SMYD4: variants seen among roughly 807,000 people sequenced by gnomAD.
SMYD4 encodes SET and MYND domain containing 4, also known as protein-lysine N-methyltransferase SMYD4.
A neutral mutation model predicts 72.8 loss-of-function variants in SMYD4; 68 were observed. The ratio of observed to expected loss-of-function variants is 0.93; its 90% confidence interval spans 0.77 to 1.14. The LOEUF (loss-of-function observed/expected upper bound fraction) is 1.14, where lower values mean the gene tolerates loss of function less well. Among genes scored for constraint, SMYD4 ranks in the 50% most tolerant of loss-of-function variants. The pLI is 0.00. For missense variants in SMYD4, 984 were observed against 1,003.7 expected, an observed-to-expected ratio of 0.98 and a Z score of 0.27; for synonymous variants, 407 against 388.6, an observed-to-expected ratio of 1.05 and a Z score of -0.56.
chr17:1,817,345 G>GT (rs977465914), intron 2 of SMYD4, among the ~76,000 whole-genome samples: 49 of 147,326 alleles, frequency 3.3e-4, no homozygotes, highest in Admixed American at 1.5e-3. Context: ...GCCTAAAACT[G>GT]TTTTTTTTTG....
At chr17:1,794,007 G>GTA (rs373859746) in intron 5 of SMYD4, among the ~76,000 whole-genome samples, 33,834 of 80,872 alleles carry the variant, frequency 0.42, 8,719 homozygotes, top group Non-Finnish European at 0.57. Context: ...ATATATATAT[G>GTA]TATATATATA....
intron 10 of SMYD4, 30 bp from the exon 11 acceptor site, chr17:1,781,469 TC>T: frequency 6.2e-7 from 1 of 1,606,460 alleles, no homozygotes; most frequent in East Asian, 2.2e-5. Context: ...AGGAGTTAGT[TC>T]ACTGATTTGT....
At chr17:1,802,505 T>C (rs889426361) in intron 4 of SMYD4, among the ~76,000 whole-genome samples, 3 of 151,680 alleles carry the variant, frequency 2.0e-5, no homozygotes. Flanking sequence ...TAAAAAAAAA[T>C]AAAGAAAAAG....
At chr17:1,802,880 G>A (rs1282071640) in intron 4 of SMYD4, among the ~76,000 whole-genome samples, 6 of 152,098 alleles carry the variant, frequency 3.9e-5, no homozygotes, top group South Asian at 2.1e-4. Flanking sequence ...ACGGCTGGGC[G>A]CAGTGGCTCA....
At chr17:1,811,303 G>GT (rs1467640127) in intron 3 of SMYD4, among the ~76,000 whole-genome samples, 4 of 152,194 alleles carry the variant, frequency 2.6e-5, no homozygotes, top group Middle Eastern at 3.4e-3. Context: ...AACTTTTTCC[G>GT]TTTCAGGACC....
chr17:1,815,126 C>A (rs190048170), intron 2 of SMYD4, among the ~76,000 whole-genome samples: 1 of 150,906 alleles, frequency 6.6e-6, no homozygotes, highest in Non-Finnish European at 1.5e-5. Context: ...TGCAGTGGTG[C>A]GATCTCGGCT....
intron 2 of SMYD4, among the ~76,000 whole-genome samples, chr17:1,818,886 G>T (rs1910761872): frequency 6.6e-6 from 1 of 151,856 alleles, no homozygotes; most frequent in Admixed American, 6.6e-5. Flanking sequence ...GGGCTCAAGG[G>T]ACCCACCTGC....
rs1909620274 is a variant in SMYD4 at position 1,799,954 on chromosome 17, T to A, written c.1440A>T (p.Glu480Asp). 6.2e-7 allele frequency: 1 copy of A among 1,614,008 alleles called. No homozygotes were observed. Among genetic ancestry groups the A allele is most frequent in the African/African-American group, 1.3e-5 (1 of 74,918 alleles). The change falls in exon 5 of 11, where the codon GAA (glutamate) becomes GAT (aspartate). Residue 480 changes from glutamate to aspartate, a missense_variant. Physicochemically the swap from Glu to Asp is conservative, Grantham distance 45. Transcript: ENST00000305513. ...SSQLKAAVTPELCPDVTIWGV... is the reference protein window; with the variant it reads ...SSQLKAAVTPDLCPDVTIWGV... ...CCCAAATAGTCACGTCAGGACACAA[T>A]TCAGGTGTCACTGCTGCTTTAAGCT...
At chr17:1,823,048 A>C (rs777079349) in intron 2 of SMYD4, among the ~76,000 whole-genome samples, 8 of 152,030 alleles carry the variant, frequency 5.3e-5, no homozygotes, top group Non-Finnish European at 1.0e-4. Context: ...CACATTCCCA[A>C]TCAAAAGCCC....
At chr17:1,822,367 T>C (rs1333125988) in intron 2 of SMYD4, among the ~76,000 whole-genome samples, 1 of 152,174 alleles carries the variant, frequency 6.6e-6, no homozygotes, top group Admixed American at 6.5e-5. Flanking sequence ...TGAAGCACTA[T>C]TTGATTTCTT....
rs1304147104 is a variant in SMYD4, at chr17:1,781,341, T to A, written c.2360A>T (p.Lys787Met). 6.2e-7 allele frequency: 1 copy of A among 1,614,062 alleles called. No homozygotes were observed. Among genetic ancestry groups the A allele is most frequent in the Non-Finnish European group, 8.5e-7 (1 of 1,180,032 alleles). Reference sequence around the variant, plus strand: ...TAAGTCCAACAAACAGGATTTCATCTTCTGGAGCTCCTGGATTTCATCGTC... The same window carrying A: ...TAAGTCCAACAAACAGGATTTCATCATCTGGAGCTCCTGGATTTCATCGTC... ...PWDDEIQELQKMKSCLLDLPP... is the reference protein window; with the variant it reads ...PWDDEIQELQMMKSCLLDLPP... Residue 787 changes from lysine to methionine, a missense_variant, in exon 11 of 11, where the codon AAG becomes ATG. Transcript: ENST00000305513.
Position 1,812,049 on chromosome 17 carries a change from A to G in SMYD4, c.201T>C (p.Ala67=), listed in dbSNP as rs377388862. 4.3e-6 allele frequency: 7 copies of G among 1,613,974 alleles called. No individual in the cohort carries two copies. Among genetic ancestry groups the G allele is most frequent in the African/African-American group, 1.3e-5 (1 of 74,876 alleles). ...TTCCTTCTTCTCTGTAGAAAAGAGGAGCGTCCGAGTCCTTTCCCACCAAGT... is the reference window on the plus strand; with the variant it reads ...TTCCTTCTTCTCTGTAGAAAAGAGGGGCGTCCGAGTCCTTTCCCACCAAGT... ...KGYLVGKDSD[A]PLFYREEGNK... Residue 67 remains alanine, a synonymous_variant, in exon 3 of 11, where the codon GCT becomes GCC. Coordinates refer to ENST00000305513, the MANE Select transcript of SMYD4 (RefSeq NM_052928.3).
At chr17:1,798,913 A>C (rs1909550017) in intron 5 of SMYD4, among the ~76,000 whole-genome samples, 1 of 151,754 alleles carries the variant, frequency 6.6e-6, no homozygotes, top group Admixed American at 6.6e-5. Context: ...AAAATAAATA[A>C]ATAAAGTAAA....
chr17:1,787,286 G>A (rs971555013), intron 6 of SMYD4, 136 bp downstream of exon 6: 2 of 1,146,008 alleles, frequency 1.7e-6, no homozygotes, highest in East Asian at 2.6e-5. Flanking sequence ...CCTTGTTTTT[G>A]GCCTAAGTGT....
intron 10 of SMYD4, chr17:1,781,929 T>C: frequency 6.5e-6 from 1 of 154,338 alleles, no homozygotes; most frequent in Non-Finnish European, 1.4e-5. Context: ...TCTGCAGCCC[T>C]TTTCTCTCTC....
At chr17:1,794,081 G>GTGTGTATA (rs1454228796) in intron 5 of SMYD4, among the ~76,000 whole-genome samples, 2 of 17,120 alleles carry the variant, frequency 1.2e-4, no homozygotes, top group Non-Finnish European at 2.2e-4. Context: ...ATATATATGT[G>GTGTGTATA]TATATATATA....
rs1371517250 is a variant in SMYD4, at chr17:1,783,566, G to A, written c.2021-90C>T. ...GGTCTCAAATCCTCTGAATCAGCTG[G>A]GCTGAATGTGGAAATTCCCCCTGGC... On this transcript the variant is annotated intron_variant, in intron 8 of 10. Coordinates refer to ENST00000305513, the MANE Select transcript of SMYD4 (RefSeq NM_052928.3). 2.0e-6 allele frequency: 3 copies of A among 1,512,164 alleles called. No individual in the cohort carries two copies. The African/African-American group carries it at 4.2e-5, about 21-fold the overall frequency. 93.7% of individuals were successfully genotyped at this position (1,512,164 alleles called of 1,614,324 possible).
Position 1,781,425 on chromosome 17 carries a change from T to C in SMYD4, c.2276A>G (p.Glu759Gly). The change falls in exon 11 of 11, where the codon GAA becomes GGA. Residue 759 changes from glutamate (E) to glycine (G), a missense_variant. Physicochemically the swap from Glu to Gly is moderately conservative, Grantham distance 98. Transcript: ENST00000305513. ...AGCTTTCTGTATTGTGCTCAGGGCT[T>C]CGGGTACTGCAAACCTGAGCCAAGG... ...QIFFNGFAVPEALSTIQKAEE... is the reference protein window; with the variant it reads ...QIFFNGFAVPGALSTIQKAEE... 1 of 1,613,942 alleles carries C rather than the reference T, an allele frequency of 6.2e-7. No homozygotes were observed. The highest frequency in any genetic ancestry group is 1.1e-5 in the South Asian group (1 of 91,024).
Position 1,787,501 on chromosome 17 carries a change from G to T in SMYD4, c.1641C>A (p.Ser547Arg). Residue 547 changes from serine (S) to arginine (R), a missense_variant, in exon 6 of 11, where the codon AGC becomes AGA. By Grantham distance (110) the Ser-to-Arg change is moderately radical. Transcript: ENST00000305513. ...LLNHSCSPNT[S>R]VSFISTVATI... ...TGGCGACAGTGCTAATGAAGGACACGCTGGTGTTGGGGCTACAGGAGTGGT... is the reference window on the plus strand; with the variant it reads ...TGGCGACAGTGCTAATGAAGGACACTCTGGTGTTGGGGCTACAGGAGTGGT... 1 of 1,581,302 alleles carries T rather than the reference G, an allele frequency of 6.3e-7. No individual in the cohort carries two copies. Among genetic ancestry groups the T allele is most frequent in the South Asian group, 1.2e-5 (1 of 86,086 alleles).
Sources: allele counts gnomAD v4.1 joint callset (sites outside exome capture counted in the v4.1 genomes callset), GRCh38; gene constraint gnomAD v4.1.1; transcripts MANE v1.5; gene names NCBI Gene and HGNC (gene_info 2026-07-23, HGNC 2026-07-21).